TNKS: variants seen among roughly 807,000 people sequenced by gnomAD.
TNKS encodes the protein tankyrase.
In TNKS, 72 loss-of-function variants were observed where a neutral mutation model predicts 135.8. The observed-to-expected ratio is 0.53, with a 90% CI of 0.44 to 0.64. The LOEUF (loss-of-function observed/expected upper bound fraction) is 0.64. TNKS is among the 30% of genes least tolerant of loss of function. The probability of loss-of-function intolerance (pLI) is 0.00; values close to 1 mark genes in which losing one functional copy is unlikely to be tolerated. For synonymous variants in TNKS, 849 were observed against 649.3 expected, an observed-to-expected ratio of 1.31 and a Z score of -4.68; for missense variants, 1,769 against 1,674.0, an observed-to-expected ratio of 1.06 and a Z score of -0.99.
intron 18 of TNKS, among the ~76,000 whole-genome samples, chr8:9,751,364 A>C (rs930405305): frequency 1.3e-5 from 2 of 152,234 alleles, no homozygotes; most frequent in Non-Finnish European, 2.9e-5. Context: ...GTTAACACTG[A>C]AAGTGCTTTT....
chr8:9,689,841 G>T (rs1803177498), intron 5 of TNKS, among the ~76,000 whole-genome samples: 1 of 152,162 alleles, frequency 6.6e-6, no homozygotes, highest in Non-Finnish European at 1.5e-5. Context: ...ATCTAAGGTG[G>T]ACCGATTCCC....
intron 1 of TNKS, chr8:9,566,350 C>G (rs1797539357): frequency 1.3e-5 from 2 of 152,064 alleles, no homozygotes; most frequent in Non-Finnish European, 2.9e-5. Context: ...TCCTCCTTCT[C>G]CCCAGCCCCA....
chr8:9,679,789 T>TG, intron 3 of TNKS, 162 bp from the exon 4 acceptor site: 1 of 556,250 alleles, frequency 1.8e-6, no homozygotes, highest in South Asian at 2.5e-5. Context: ...GCACTGGTGA[T>TG]GCTGCCTTCA....
chr8:9,652,440 C>G (rs966097696), intron 3 of TNKS, among the ~76,000 whole-genome samples: 1 of 152,090 alleles, frequency 6.6e-6, no homozygotes, highest in Non-Finnish European at 1.5e-5. Context: ...TGTGGTAAAT[C>G]AATTTCTGTA....
intron 11 of TNKS, 67 bp from the exon 12 acceptor site, chr8:9,720,307 T>A: frequency 7.3e-7 from 1 of 1,369,124 alleles, no homozygotes; most frequent in Non-Finnish European, 9.7e-7. Flanking sequence ...AAGAATGTAT[T>A]TTCTAAGGTA....
chr8:9,741,151 T>C (rs1446526851), intron 17 of TNKS: 1 of 152,322 alleles, frequency 6.6e-6, no homozygotes, highest in Non-Finnish European at 1.5e-5. Flanking sequence ...CTTACACATG[T>C]ATATCATTTG....
At position 9,629,205 on chromosome 8, in the gene TNKS, G is replaced by A. The variant is rs147086390; in HGVS notation, c.994+13528G>A. ...AATGGTATCACTAAGCACACCTTTAGTTTACTTGACTTCTTTTTCTAATAG... is the reference window on the plus strand; with the variant it reads ...AATGGTATCACTAAGCACACCTTTAATTTACTTGACTTCTTTTTCTAATAG... On this transcript the variant is annotated intron_variant, in intron 3 of 26. Coordinates refer to ENST00000310430, the MANE Select transcript of TNKS (RefSeq NM_003747.3). 3.5e-4 allele frequency among the ~76,000 whole-genome samples: 53 copies of A among 152,282 alleles called. No individual in the cohort carries two copies. The East Asian group carries it at 8.1e-3, about 23-fold the overall frequency.
chr8:9,706,652 A>C (rs1482769538), intron 7 of TNKS, among the ~76,000 whole-genome samples, 159 bp from the exon 8 acceptor site: 1 of 152,240 alleles, frequency 6.6e-6, no homozygotes, highest in African/African-American at 2.4e-5. Flanking sequence ...TAAAACATTG[A>C]ATTTAATTTC....
chr8:9,615,362 TAA>T, intron 2 of TNKS: 1 of 374,210 alleles, frequency 2.7e-6, no homozygotes, highest in East Asian at 4.5e-5. Context: ...TTTATGATGT[TAA>T]GTCATGTGAT....
chr8:9,767,390 T>G (rs73662517), intron 25 of TNKS, among the ~76,000 whole-genome samples: 121 of 152,314 alleles, frequency 7.9e-4, no homozygotes, highest in African/African-American at 2.8e-3. Flanking sequence ...ATTACATTTC[T>G]GTGTAAACTT....
In TNKS at chr8:9,759,219, T is replaced by C. The variant is rs1353835117; in HGVS notation, c.3154-2297T>C. On this transcript the variant is annotated intron_variant, in intron 20 of 26. Coordinates refer to ENST00000310430, the MANE Select transcript of TNKS (RefSeq NM_003747.3). Reference sequence around the variant, plus strand: ...GTAAGGAGGTGGGAATCATTGAGTCTGTCTGCCATAGCGTGGCAGCCAGTT... The same window carrying C: ...GTAAGGAGGTGGGAATCATTGAGTCCGTCTGCCATAGCGTGGCAGCCAGTT... Among the ~76,000 whole-genome samples, 8 of 152,364 alleles carry C rather than the reference T, an allele frequency of 5.3e-5. No individual in the cohort carries two copies. The East Asian group carries it at 1.5e-3, about 29-fold the overall frequency.
chr8:9,753,680 A>C (rs1806673167), intron 20 of TNKS, among the ~76,000 whole-genome samples: 1 of 152,212 alleles, frequency 6.6e-6, no homozygotes, highest in African/African-American at 2.4e-5. Context: ...GAGAAAAATT[A>C]TTCTCCCAGG....
chr8:9,575,746 T>C (rs952972088), intron 1 of TNKS, among the ~76,000 whole-genome samples: 10 of 151,644 alleles, frequency 6.6e-5, no homozygotes, highest in South Asian at 2.1e-4. Flanking sequence ...CTGACAAGAG[T>C]TGAAATGTGA....
chr8:9,680,003 C>T lies in TNKS; in HGVS notation c.1031+16C>T. The stretch of plus-strand genomic sequence containing the variant: ...AAGCTGCTAGGTAAGTGATTCCATT[C>T]ATTTTAAGTGTATATAATGCATTAA... On this transcript the variant is annotated intron_variant, in intron 4 of 26. Coordinates refer to ENST00000310430, the MANE Select transcript of TNKS (RefSeq NM_003747.3). 2 of 1,602,394 alleles carry T rather than the reference C, an allele frequency of 1.2e-6. No individual in the cohort carries two copies. Among genetic ancestry groups the T allele is most frequent in the African/African-American group, 1.3e-5 (1 of 74,780 alleles).
chr8:9,741,605 A>C (rs1585402585), intron 17 of TNKS: 1 of 401,786 alleles, frequency 2.5e-6, no homozygotes, highest in East Asian at 6.0e-5. Flanking sequence ...TAGCTGTCAC[A>C]GAGGATAAAG....
intron 3 of TNKS, among the ~76,000 whole-genome samples, chr8:9,663,107 CA>C (rs1371852942): frequency 2.0e-5 from 3 of 152,170 alleles, no homozygotes; most frequent in Admixed American, 1.3e-4. Context: ...GGAATGTGAG[CA>C]GGCTTTGGAA....
intron 1 of TNKS, among the ~76,000 whole-genome samples, chr8:9,579,886 T>G (rs7821799): frequency 0.18 from 28,101 of 152,218 alleles, 2,812 homozygotes; most frequent in East Asian, 0.29. Context: ...CATATTTATT[T>G]TGTGTTTCTA....
chr8:9,694,847 A>G (rs1803441232), intron 5 of TNKS, among the ~76,000 whole-genome samples: 1 of 152,102 alleles, frequency 6.6e-6, no homozygotes, highest in Non-Finnish European at 1.5e-5. Flanking sequence ...TTGGAATCTC[A>G]TTTAAAAATT....
intron 1 of TNKS, among the ~76,000 whole-genome samples, chr8:9,567,459 A>G (rs1797586725): frequency 1.3e-5 from 2 of 152,190 alleles, no homozygotes; most frequent in East Asian, 1.9e-4. Context: ...TCTGTCGCCC[A>G]GGCTGGAGCG....
Sources: allele counts gnomAD v4.1 joint callset (sites outside exome capture counted in the v4.1 genomes callset), GRCh38; gene constraint gnomAD v4.1.1; transcripts MANE v1.5; gene names NCBI Gene and HGNC (gene_info 2026-07-23, HGNC 2026-07-21).